PPIH: variants seen among roughly 807,000 people sequenced by gnomAD.
PPIH encodes peptidylprolyl isomerase H.
In PPIH, 16 loss-of-function variants were observed where a neutral mutation model predicts 27.6. The observed-to-expected ratio is 0.58, with a 90% confidence interval of 0.39 to 0.88. The LOEUF is 0.88. Among genes scored for constraint, PPIH ranks in the 40% least tolerant of loss-of-function variants. The probability of loss-of-function intolerance (pLI) is 0.00; values close to 1 mark genes in which losing one functional copy is unlikely to be tolerated. For synonymous variants in PPIH, 63 were observed against 76.1 expected, an observed-to-expected ratio of 0.83 and a Z score of 0.90; for missense variants, 155 against 224.1, an observed-to-expected ratio of 0.69 and a Z score of 1.97.
chr1:42,658,716 T>G, intron 1 of PPIH, 128 bp from the exon 2 acceptor site: 1 of 1,214,696 alleles, frequency 8.2e-7, no homozygotes, highest in Non-Finnish European at 1.2e-6. Context: ...AACTGGGCGG[T>G]TAGACTAGGG....
At chr1:42,667,264 A>C in intron 8 of PPIH, 87 bp from the exon 9 acceptor site, 1 of 1,222,320 alleles carries the variant, frequency 8.2e-7, no homozygotes, top group South Asian at 1.3e-5. Context: ...AGTCCTTAGC[A>C]CAGGGCTGGC....
chr1:42,660,589 T>C (rs2148709602), intron 4 of PPIH, among the ~76,000 whole-genome samples: 1 of 152,184 alleles, frequency 6.6e-6, no homozygotes, highest in South Asian at 2.1e-4. Context: ...GCCACCACGC[T>C]CGGCTAATTT....
chr1:42,673,329 T>C (rs151149139), intron 9 of PPIH, among the ~76,000 whole-genome samples: 50 of 152,288 alleles, frequency 3.3e-4, no homozygotes, highest in African/African-American at 1.2e-3. Context: ...ATAGCATAAA[T>C]GAACCTCTAC....
chr1:42,676,316 A>C (rs1356631045), intron 9 of PPIH, among the ~76,000 whole-genome samples: 1 of 152,034 alleles, frequency 6.6e-6, no homozygotes, highest in Non-Finnish European at 1.5e-5. Context: ...AAAAATACAA[A>C]AATTGGCTGG....
intron 5 of PPIH, 24 bp downstream of exon 5, chr1:42,660,928 A>G: frequency 6.3e-7 from 1 of 1,594,932 alleles, no homozygotes; most frequent in Non-Finnish European, 8.6e-7. Context: ...CTTTCCTATC[A>G]AAGACCCGTA....
At chr1:42,669,309 T>G (rs1030980436) in intron 9 of PPIH, among the ~76,000 whole-genome samples, 1 of 152,072 alleles carries the variant, frequency 6.6e-6, no homozygotes, top group Non-Finnish European at 1.5e-5. Context: ...AACATGACAT[T>G]AGAAGTGGAA....
intron 9 of PPIH, among the ~76,000 whole-genome samples, chr1:42,670,723 C>T (rs1476116241): frequency 6.6e-6 from 1 of 152,120 alleles, no homozygotes; most frequent in African/African-American, 2.4e-5. Context: ...GCTACCAGCC[C>T]CATGTGACAA....
rs766803508 is a variant in PPIH, at chr1:42,666,572, G to A, written c.450G>A (p.Val150=). 1 of 1,613,916 alleles carries A rather than the reference G, an allele frequency of 6.2e-7. No homozygotes were observed. The highest frequency in any genetic ancestry group is 1.1e-5 in the South Asian group (1 of 91,068). ...GAAAAATCATCGATGGACTTCTAGT[G>A]ATGAGAAAGATTGAGGTAAGTACTG... ...VFGKIIDGLL[V]MRKIENVPTG... The change falls in exon 8 of 10, where the codon GTG becomes GTA. Residue 150 remains valine, a synonymous_variant. Coordinates refer to ENST00000304979, the MANE Select transcript of PPIH (RefSeq NM_006347.4).
intron 9 of PPIH, among the ~76,000 whole-genome samples, chr1:42,670,655 G>A (rs1649579844): frequency 6.6e-6 from 1 of 152,016 alleles, no homozygotes; most frequent in South Asian, 2.1e-4. Context: ...GCTAGACCAG[G>A]ACTGTCCATA....
chr1:42,675,850 G>C (rs1457170574), intron 9 of PPIH, among the ~76,000 whole-genome samples: 1 of 152,148 alleles, frequency 6.6e-6, no homozygotes, highest in Admixed American at 6.5e-5. Context: ...CCTCCACAGA[G>C]AGCCATCAGA....
chr1:42,658,714 G>T (rs1460576792), intron 1 of PPIH, 130 bp from the exon 2 acceptor site: 2 of 1,189,948 alleles, frequency 1.7e-6, no homozygotes, highest in Non-Finnish European at 2.4e-6. Context: ...GGAACTGGGC[G>T]GTTAGACTAG....
chr1:42,665,851 A>C (rs1043985152), intron 6 of PPIH, 129 bp from the exon 7 acceptor site: 1 of 740,254 alleles, frequency 1.4e-6, no homozygotes, highest in Admixed American at 2.0e-5. Context: ...CCTGGCTCAT[A>C]ATAGGTGCTA....
intron 9 of PPIH, among the ~76,000 whole-genome samples, chr1:42,676,118 A>G (rs1349632791): frequency 1.3e-5 from 2 of 152,334 alleles, no homozygotes; most frequent in South Asian, 2.1e-4. Flanking sequence ...GGTCTGACCT[A>G]TGGTGAGAAT....
chr1:42,660,816 T>C (rs761264730), intron 4 of PPIH, 46 bp from the exon 5 acceptor site: 2 of 1,469,068 alleles, frequency 1.4e-6, no homozygotes, highest in Non-Finnish European at 1.9e-6. Context: ...ATCTATGTTT[T>C]TCTAAACCAT....
At chr1:42,668,814 T>C (rs181452029) in intron 9 of PPIH, among the ~76,000 whole-genome samples, 2 of 152,338 alleles carry the variant, frequency 1.3e-5, no homozygotes, top group Admixed American at 6.5e-5. Context: ...TTTGGGAGGT[T>C]TTCTTTTTCC....
At chr1:42,666,130 G>A (rs922037062) in intron 7 of PPIH, 63 bp downstream of exon 7, 2 of 1,486,548 alleles carry the variant, frequency 1.3e-6, no homozygotes, top group Non-Finnish European at 1.9e-6. Flanking sequence ...CTCCAGAGGA[G>A]TTAGTTCTCA....
chr1:42,664,361 T>A (rs1649210818), intron 5 of PPIH, among the ~76,000 whole-genome samples: 1 of 152,196 alleles, frequency 6.6e-6, no homozygotes, highest in South Asian at 2.1e-4. Context: ...GGAACTCTAG[T>A]TGGCCCAGAG....
intron 5 of PPIH, 158 bp downstream of exon 5, chr1:42,661,062 G>A (rs3768025): frequency 0.32 from 205,171 of 649,564 alleles, 33,768 homozygotes; most frequent in South Asian, 0.34. Context: ...GGAAGTTCTT[G>A]AAAGTGGCTG....
intron 9 of PPIH, among the ~76,000 whole-genome samples, chr1:42,667,766 A>G (rs1371814601): frequency 6.6e-6 from 1 of 152,240 alleles, no homozygotes; most frequent in African/African-American, 2.4e-5. Flanking sequence ...CTACAGTTCC[A>G]TTCAGTAGTC....
Sources: allele counts gnomAD v4.1 joint callset (sites outside exome capture counted in the v4.1 genomes callset), GRCh38; gene constraint gnomAD v4.1.1; transcripts MANE v1.5; gene names NCBI Gene and HGNC (gene_info 2026-07-23, HGNC 2026-07-21).